CHIA: variants seen among roughly 807,000 people sequenced by gnomAD.
The protein encoded by CHIA is acidic mammalian chitinase.
CHIA carries 47 observed loss-of-function variants against 53.5 expected under a neutral mutation model. The observed-to-expected ratio is 0.88, with a 90% confidence interval of 0.70 to 1.12. The LOEUF (loss-of-function observed/expected upper bound fraction) is 1.12. Ranked by LOEUF, CHIA falls within the 50% of genes most tolerant of loss-of-function variation. The pLI is 0.00. For synonymous variants in CHIA, 268 were observed against 222.2 expected (o/e 1.21, Z -1.83); for missense variants, 652 against 592.2 (o/e 1.10, Z -1.05).
At chr1:111,318,393 T>A in intron 8 of CHIA, 100 bp from the exon 9 acceptor site, 1 of 1,060,478 alleles carries the variant, frequency 9.4e-7, no homozygotes, top group Non-Finnish European at 1.4e-6. Context: ...CATCTGGAAT[T>A]AACAGCATAG....
intron 1 of CHIA, among the ~76,000 whole-genome samples, chr1:111,308,238 C>T (rs1470347919): frequency 6.6e-6 from 1 of 152,212 alleles, no homozygotes; most frequent in Admixed American, 6.5e-5. Context: ...AAATACCTCA[C>T]TAGCTATAAA....
intron 1 of CHIA, among the ~76,000 whole-genome samples, chr1:111,293,718 A>T (rs1407918185): frequency 6.6e-6 from 1 of 152,200 alleles, no homozygotes; most frequent in Admixed American, 6.5e-5. Flanking sequence ...TTATACTTTT[A>T]CATCTTACAT....
In CHIA at chr1:111,295,805, G is replaced by A. The variant is rs568954911; in HGVS notation, c.-69+4855G>A. Among the ~76,000 whole-genome samples, 3 of 152,346 alleles carry A rather than the reference G, an allele frequency of 2.0e-5. No individual in the cohort carries two copies. The South Asian group carries it at 6.2e-4, about 32-fold the overall frequency. ...GGCACTGGAGGATTTCCCTTTCCTAGCCAAGGGAAGCCATGGCAGACTGTA... is the reference window on the plus strand; with the variant it reads ...GGCACTGGAGGATTTCCCTTTCCTAACCAAGGGAAGCCATGGCAGACTGTA... On this transcript the variant is annotated intron_variant, in intron 1 of 11. Transcript: ENST00000369740.
chr1:111,309,840 C>T (rs1648518186), intron 1 of CHIA, among the ~76,000 whole-genome samples: 1 of 152,122 alleles, frequency 6.6e-6, no homozygotes, highest in Non-Finnish European at 1.5e-5. Context: ...CTACAGAACA[C>T]TAGAGAGTTC....
intron 1 of CHIA, among the ~76,000 whole-genome samples, chr1:111,302,136 A>T (rs535762252): frequency 3.9e-5 from 6 of 152,254 alleles, no homozygotes; most frequent in African/African-American, 1.4e-4. Flanking sequence ...TAGTAATTTG[A>T]GTCTCCTCTC....
Position 111,311,670 on chromosome 1 carries a change from G to A in CHIA, c.26-19G>A. 1.2e-6 allele frequency: 2 copies of A among 1,613,950 alleles called. No homozygotes were observed. The highest frequency in any genetic ancestry group is 1.7e-6 in the Non-Finnish European group (2 of 1,179,900). ...TACAGACAATCGGTTCAAAGTACAT[G>A]CTTTTTCTTTCTATCCAGGTCTTGT... On this transcript the variant is annotated intron_variant, in intron 2 of 11. Coordinates refer to ENST00000369740, the MANE Select transcript of CHIA (RefSeq NM_201653.4).
intron 1 of CHIA, among the ~76,000 whole-genome samples, chr1:111,291,617 C>T (rs774271913): frequency 1.1e-4 from 17 of 151,546 alleles, no homozygotes; most frequent in East Asian, 7.8e-4. Flanking sequence ...TCATGGCACA[C>T]GTATACCTAT....
intron 1 of CHIA, among the ~76,000 whole-genome samples, chr1:111,297,265 C>A (rs1462512803): frequency 6.6e-6 from 1 of 152,100 alleles, no homozygotes; most frequent in African/African-American, 2.4e-5. Context: ...TCCCAAGACG[C>A]ATAATAGTCA....
Position 111,318,182 on chromosome 1 carries a change from G to A in CHIA, c.729+73G>A, listed in dbSNP as rs527999727. ...ATCACATAGAGATTCAGGCACAAAAGGCATCATAAGTTTAGTGGTTTTCTC... is the reference window on the plus strand; with the variant it reads ...ATCACATAGAGATTCAGGCACAAAAAGCATCATAAGTTTAGTGGTTTTCTC... On this transcript the variant is annotated intron_variant, in intron 8 of 11. Transcript: ENST00000369740. 205 of 1,349,522 alleles carry A rather than the reference G, an allele frequency of 1.5e-4. 2 individuals carry two copies. The South Asian group carries it at 2.5e-3, about 16-fold the overall frequency. The allele number at this position is 1,349,522 out of a possible 1,614,324, so 83.6% of individuals were successfully genotyped here.
At chr1:111,291,955 C>A (rs1302061970) in intron 1 of CHIA, among the ~76,000 whole-genome samples, 2 of 151,928 alleles carry the variant, frequency 1.3e-5, no homozygotes, top group Admixed American at 1.3e-4. Context: ...TGTAAGAAAC[C>A]TGCACGTCCT....
At chr1:111,311,598 T>C (rs1648675164) in intron 2 of CHIA, 91 bp from the exon 3 acceptor site, 7 of 1,442,396 alleles carry the variant, frequency 4.9e-6, no homozygotes, top group Admixed American at 1.7e-5. Context: ...TAACAATTTA[T>C]GGCAAATTGG....
intron 1 of CHIA, among the ~76,000 whole-genome samples, chr1:111,292,164 C>T (rs1661063729): frequency 1.3e-5 from 2 of 152,120 alleles, no homozygotes; most frequent in Admixed American, 1.3e-4. Context: ...ATAACATTAA[C>T]TAAAATTTAT....
intron 5 of CHIA, 199 bp downstream of exon 5, chr1:111,314,795 T>C (rs1649009508): frequency 1.8e-6 from 1 of 540,770 alleles, no homozygotes; most frequent in Admixed American, 3.5e-5. Context: ...TTTAATTTGG[T>C]GGACATTTGG....
intron 1 of CHIA, among the ~76,000 whole-genome samples, chr1:111,293,286 G>T (rs1456961608): frequency 6.6e-6 from 1 of 152,134 alleles, no homozygotes; most frequent in Admixed American, 6.6e-5. Context: ...TAGTGGATAT[G>T]AGGTGATGTC....
intron 1 of CHIA, among the ~76,000 whole-genome samples, chr1:111,294,063 C>A (rs1385684308): frequency 1.3e-5 from 2 of 151,448 alleles, no homozygotes; most frequent in African/African-American, 4.9e-5. Context: ...GCCTGGGTGA[C>A]AGAGTGAGAC....
intron 4 of CHIA, among the ~76,000 whole-genome samples, chr1:111,313,724 T>C (rs1379912171): frequency 6.6e-6 from 1 of 152,202 alleles, no homozygotes; most frequent in Non-Finnish European, 1.5e-5. Flanking sequence ...TTGCTGTAGC[T>C]CTTGGAGCTT....
chr1:111,294,000 C>T (rs944313884), intron 1 of CHIA, among the ~76,000 whole-genome samples: 7 of 152,176 alleles, frequency 4.6e-5, no homozygotes, highest in South Asian at 2.1e-4. Flanking sequence ...GAGGATTGCT[C>T]GAGCCCAGGA....
At chr1:111,292,518 T>C (rs1661089669) in intron 1 of CHIA, among the ~76,000 whole-genome samples, 2 of 152,228 alleles carry the variant, frequency 1.3e-5, no homozygotes, top group Admixed American at 6.5e-5. Flanking sequence ...CTCACTTACA[T>C]TGACTGCATG....
At chr1:111,299,952 G>C (rs1342218851) in intron 1 of CHIA, among the ~76,000 whole-genome samples, 1 of 152,142 alleles carries the variant, frequency 6.6e-6, no homozygotes, top group Non-Finnish European at 1.5e-5. Context: ...CAAACAGAGA[G>C]CCAAATCATG....
Sources: gnomAD v4.1 joint callset for allele counts (sites outside exome capture counted in the v4.1 genomes callset) on GRCh38, gnomAD v4.1.1 for gene constraint, MANE v1.5 for transcripts, NCBI Gene and HGNC (gene_info 2026-07-23, HGNC 2026-07-21) for gene names.